The following PHF24 variants were observed in gnomAD, a reference collection of about 807,000 sequenced individuals.
PHF24 encodes Galpha inhibitory interacting protein.
In PHF24, 25 loss-of-function variants were observed where a neutral mutation model predicts 42.6. That is an observed-to-expected ratio of 0.59 (90% CI 0.43 to 0.82). The LOEUF (loss-of-function observed/expected upper bound fraction) is 0.82. Among genes scored for constraint, PHF24 ranks in the 40% least tolerant of loss-of-function variants. The pLI is 0.00. For synonymous variants in PHF24, 185 were observed against 204.8 expected (o/e 0.90, Z 0.83); for missense variants, 470 against 538.1 (o/e 0.87, Z 1.25).
the PHF24 span, among the ~76,000 whole-genome samples, chr9:34,839,710 G>A: frequency 6.6e-6 from 1 of 152,122 alleles, no homozygotes; most frequent in Non-Finnish European, 1.5e-5. Context: ...AGGGTACAAG[G>A]ACTTTGAGTC....
the PHF24 span, among the ~76,000 whole-genome samples, chr9:34,762,088 G>T: frequency 4.5e-4 from 69 of 152,092 alleles, no homozygotes; most frequent in African/African-American, 1.6e-3. Context: ...TCTTAATCCA[G>T]TCTATCATTG....
chr9:34,855,607 A>G, the PHF24 span, among the ~76,000 whole-genome samples: 97 of 152,218 alleles, frequency 6.4e-4, no homozygotes, highest in Middle Eastern at 3.4e-3. Flanking sequence ...TTGGCCCCCA[A>G]TCTCTTCTGG....
At chr9:34,901,681 C>T in the PHF24 span, among the ~76,000 whole-genome samples, 3 of 151,564 alleles carry the variant, frequency 2.0e-5, no homozygotes, top group Admixed American at 6.6e-5. Context: ...TTTGGGAGGC[C>T]GAGGCAGGTA....
At chr9:34,759,833 T>C in the PHF24 span, among the ~76,000 whole-genome samples, 2 of 152,190 alleles carry the variant, frequency 1.3e-5, no homozygotes, top group African/African-American at 4.8e-5. Flanking sequence ...CTGGCCTTTG[T>C]TCCTCTGCCT....
the PHF24 span, among the ~76,000 whole-genome samples, chr9:34,674,765 G>A: frequency 0.14 from 21,065 of 152,300 alleles, 1,571 homozygotes; most frequent in Admixed American, 0.19. Flanking sequence ...GATTGGCTGT[G>A]TGATTGATTA....
At chr9:34,813,625 A>C in the PHF24 span, among the ~76,000 whole-genome samples, 1 of 152,154 alleles carries the variant, frequency 6.6e-6, no homozygotes, top group Non-Finnish European at 1.5e-5. Flanking sequence ...ACTGGAGGTT[A>C]CTCTCAGTAT....
chr9:34,853,857 C>T, the PHF24 span, among the ~76,000 whole-genome samples: 1 of 151,710 alleles, frequency 6.6e-6, no homozygotes, highest in African/African-American at 2.4e-5. Context: ...GAAATGGCAC[C>T]AGCTCTTCTT....
At chr9:34,876,695 G>A in the PHF24 span, among the ~76,000 whole-genome samples, 2 of 152,178 alleles carry the variant, frequency 1.3e-5, no homozygotes, top group Non-Finnish European at 1.5e-5. Flanking sequence ...AAAGTGTTCT[G>A]TAGGATGAAA....
At chr9:34,686,362 G>T in the PHF24 span, among the ~76,000 whole-genome samples, 1 of 152,168 alleles carries the variant, frequency 6.6e-6, no homozygotes, top group African/African-American at 2.4e-5. Context: ...CTGAACAAAC[G>T]CTCAACCACA....
chr9:34,841,494 T>C, the PHF24 span, among the ~76,000 whole-genome samples: 1 of 152,218 alleles, frequency 6.6e-6, no homozygotes, highest in Non-Finnish European at 1.5e-5. Flanking sequence ...TTTTCATTTG[T>C]CTAGAGTTTA....
chr9:34,859,643 C>A, the PHF24 span, among the ~76,000 whole-genome samples: 1 of 152,108 alleles, frequency 6.6e-6, no homozygotes, highest in African/African-American at 2.4e-5. Flanking sequence ...TATTCATGCA[C>A]TTTGTTTCCC....
At chr9:34,860,669 TATA>T in the PHF24 span, among the ~76,000 whole-genome samples, 1 of 149,060 alleles carries the variant, frequency 6.7e-6, no homozygotes, top group African/African-American at 2.5e-5. Flanking sequence ...TGATGACTCT[TATA>T]ATGAGACCTT....
chr9:34,713,946 G>C, the PHF24 span, among the ~76,000 whole-genome samples: 1 of 152,170 alleles, frequency 6.6e-6, no homozygotes, highest in Non-Finnish European at 1.5e-5. Context: ...CATGGCCAGA[G>C]ACAGAAATAT....
chr9:34,808,148 A>G, the PHF24 span, among the ~76,000 whole-genome samples: 1 of 152,178 alleles, frequency 6.6e-6, no homozygotes, highest in African/African-American at 2.4e-5. Context: ...TCCACATATT[A>G]AGTTATGTGA....
chr9:34,832,229 T>C, the PHF24 span: 1 of 436,208 alleles, frequency 2.3e-6, no homozygotes, highest in East Asian at 3.8e-5. Context: ...CTATAAACTC[T>C]TTTTCATGGC....
chr9:34,907,984 A>AG, the PHF24 span, among the ~76,000 whole-genome samples: 3 of 152,070 alleles, frequency 2.0e-5, no homozygotes, highest in African/African-American at 7.2e-5. Context: ...CTGGGATTAC[A>AG]GGTGCCCGCC....
intron 3 of PHF24, among the ~76,000 whole-genome samples, chr9:34,975,588 CA>C (rs1827157066): frequency 6.6e-6 from 1 of 151,752 alleles, no homozygotes; most frequent in South Asian, 2.1e-4. Context: ...TGTGGCACTA[CA>C]AAAAAACTCA....
the PHF24 span, among the ~76,000 whole-genome samples, chr9:34,683,066 T>C: frequency 2.3e-3 from 3 of 1,324 alleles, no homozygotes; most frequent in Admixed American, 0.011. Context: ...TCTTTCTCTC[T>C]TTTTTTTTTT....
chr9:34,858,326 A>G, the PHF24 span, among the ~76,000 whole-genome samples: 6 of 152,126 alleles, frequency 3.9e-5, no homozygotes, highest in Non-Finnish European at 8.8e-5. Flanking sequence ...GGTAGGCTAC[A>G]TGGCATGGTT....
Sources: allele counts gnomAD v4.1 joint callset (sites outside exome capture counted in the v4.1 genomes callset), GRCh38; gene constraint gnomAD v4.1.1; transcripts MANE v1.5; gene names NCBI Gene and HGNC (gene_info 2026-07-23, HGNC 2026-07-21).